Variants in MPRIP observed in about 807,000 individuals in gnomAD.
MPRIP encodes myosin phosphatase Rho interacting protein, also known as myosin phosphatase Rho-interacting protein.
A neutral mutation model predicts 234.9 loss-of-function variants in MPRIP; 59 were observed. The observed-to-expected ratio is 0.25, with a 90% confidence interval of 0.20 to 0.31. The LOEUF (loss-of-function observed/expected upper bound fraction) is 0.31. Among genes scored for constraint, MPRIP ranks in the 10% least tolerant of loss-of-function variants. MPRIP has a pLI of 1.00. For synonymous variants in MPRIP, 1,144 were observed against 1,263.9 expected (o/e 0.91, Z 2.01); for missense variants, 2,436 against 3,071.0 (o/e 0.79, Z 4.89).
rs2144733454 is a variant in MPRIP at position 17,185,594 on chromosome 17, T to TCCTC, written c.*702_*705dup. On this transcript the variant is annotated 3_prime_UTR_variant, in exon 24 of 24. Transcript: ENST00000651222. ...CCCTCTCCTTCCTTCCTTCCTTCCT[T>TCCTC]CCTCCGCTCGTTCCTTTCTTGGTCT... 1 of 456,376 alleles carries TCCTC rather than the reference T, an allele frequency of 2.2e-6. No individual in the cohort carries two copies. Among genetic ancestry groups the TCCTC allele is most frequent in the Non-Finnish European group, 4.4e-6 (1 of 226,896 alleles). The allele number at this position is 456,376 out of a possible 1,614,324, so 28.3% of individuals were successfully genotyped here.
Position 17,164,795 on chromosome 17 carries a change from G to C in MPRIP, c.3204G>C (p.Lys1068Asn), listed in dbSNP as rs992718625. The change falls in exon 16 of 24, where the codon AAG becomes AAC. Residue 1068 changes from lysine (K) to asparagine (N), a missense_variant. By Grantham distance (94) the Lys-to-Asn change is moderately conservative. Around this residue, in one of 4 missense-constraint regions of MPRIP, gnomAD observed 1,998 missense variants for 2,520.3 expected, o/e 0.79. Transcript: ENST00000651222. ...AQQVETLQKEKLSATFEGSEQ... is the reference protein window; with the variant it reads ...AQQVETLQKENLSATFEGSEQ... ...AGGTGGAGACCCTGCAGAAGGAGAA[G>C]CTGAGCGCCACTTTCGAGGGCAGTG... The C allele has an allele frequency of 3.1e-6, 4 of 1,304,234 alleles. No individual in the cohort carries two copies. Among genetic ancestry groups the C allele is most frequent in the Non-Finnish European group, 4.0e-6 (4 of 988,956 alleles). The allele number at this position is 1,304,234 out of a possible 1,614,324, so 80.8% of individuals were successfully genotyped here.
intron 4 of MPRIP, among the ~76,000 whole-genome samples, chr17:17,127,133 G>T (rs953414896): frequency 1.3e-5 from 2 of 152,172 alleles, no homozygotes; most frequent in African/African-American, 4.8e-5. Context: ...CAACTCACCT[G>T]CCCCTCCACC....
chr17:17,146,941 A>C (rs10852846), intron 10 of MPRIP, among the ~76,000 whole-genome samples: 19,886 of 152,190 alleles, frequency 0.13, 1,855 homozygotes, highest in East Asian at 0.31. Flanking sequence ...GCAGGTGGAG[A>C]TGCCATTTCA....
intron 1 of MPRIP, among the ~76,000 whole-genome samples, chr17:17,074,015 G>A (rs533563168): frequency 2.6e-5 from 4 of 152,310 alleles, no homozygotes; most frequent in African/African-American, 4.8e-5. Flanking sequence ...CCCTGCAGGC[G>A]GAAGCCAAGT....
chr17:17,181,319 C>G (rs1185966380), intron 23 of MPRIP, among the ~76,000 whole-genome samples: 1 of 152,090 alleles, frequency 6.6e-6, no homozygotes, highest in Non-Finnish European at 1.5e-5. Context: ...GGCTCAGTAG[C>G]TTGATCTCGT....
intron 3 of MPRIP, among the ~76,000 whole-genome samples, chr17:17,088,397 T>C (rs1050404831): frequency 8.5e-5 from 13 of 152,146 alleles, no homozygotes; most frequent in African/African-American, 2.9e-4. Context: ...ACTTTAGATA[T>C]TAAGAAAGTG....
chr17:17,173,006 C>T (rs1330572163), intron 18 of MPRIP, among the ~76,000 whole-genome samples, 191 bp downstream of exon 18: 1 of 152,258 alleles, frequency 6.6e-6, no homozygotes, highest in Non-Finnish European at 1.5e-5. Flanking sequence ...CTCCTTTATT[C>T]AGAGAGACTG....
chr17:17,184,888 A>T lies in MPRIP; in HGVS notation c.7272A>T (p.Lys2424Asn). Residue 2424 changes from lysine (K) to asparagine (N), a missense_variant, in exon 24 of 24, where the codon AAA becomes AAT. Transcript: ENST00000651222. ...TCTTTGAATCCAGGGACTTGAAGAA[A>T]GACTAGGTGTGTCCCATCCAAGTTG... is the stretch of plus-strand genomic sequence containing the variant. Reference protein sequence around the residue: ...LKLFESRDLKKD With the variant: ...LKLFESRDLKND 1 of 1,610,878 alleles carries T rather than the reference A, an allele frequency of 6.2e-7. No individual in the cohort carries two copies. The highest frequency in any genetic ancestry group is 1.9e-4 in the Middle Eastern group (1 of 5,254).
chr17:17,062,141 A>G (rs1364709339), intron 1 of MPRIP, among the ~76,000 whole-genome samples: 5 of 152,126 alleles, frequency 3.3e-5, no homozygotes, highest in Non-Finnish European at 5.9e-5. Flanking sequence ...TGTACATTAA[A>G]TACCTGGAGC....
intron 1 of MPRIP, among the ~76,000 whole-genome samples, chr17:17,058,546 T>C (rs944707161): frequency 6.7e-6 from 1 of 149,266 alleles, no homozygotes; most frequent in South Asian, 2.1e-4. Context: ...GGAGGAGAGC[T>C]CCAGGGACTG....
At chr17:17,088,698 A>G (rs932791905) in intron 3 of MPRIP, among the ~76,000 whole-genome samples, 1 of 152,104 alleles carries the variant, frequency 6.6e-6, no homozygotes, top group Admixed American at 6.5e-5. Context: ...CTGCCTGGCC[A>G]TGTCTTTTGC....
At chr17:17,151,009 CTTATTA>C (rs57859773) in intron 12 of MPRIP, among the ~76,000 whole-genome samples, 74,195 of 145,226 alleles carry the variant, frequency 0.51, 22,756 homozygotes, top group East Asian at 0.68. Flanking sequence ...CCATGCCCAG[CTTATTA>C]TTATTATTAT....
chr17:17,132,166 C>G (rs1022312626), intron 5 of MPRIP, among the ~76,000 whole-genome samples: 1 of 152,136 alleles, frequency 6.6e-6, no homozygotes, highest in Non-Finnish European at 1.5e-5. Flanking sequence ...CTGAGCAGGG[C>G]GTGGCTGACT....
At chr17:17,087,543 C>T (rs983055586) in intron 3 of MPRIP, among the ~76,000 whole-genome samples, 17 of 152,304 alleles carry the variant, frequency 1.1e-4, no homozygotes, top group African/African-American at 3.8e-4. Flanking sequence ...CACCCTGGGT[C>T]ATTCTGGAGA....
intron 3 of MPRIP, among the ~76,000 whole-genome samples, chr17:17,114,868 AG>A (rs572170249): frequency 3.9e-5 from 6 of 152,224 alleles, no homozygotes; most frequent in Non-Finnish European, 7.3e-5. Flanking sequence ...CTGGCGTAGC[AG>A]GTGTGAGGAG....
At chr17:17,114,270 G>A (rs10852845) in intron 3 of MPRIP, among the ~76,000 whole-genome samples, 12,038 of 151,916 alleles carry the variant, frequency 0.079, 666 homozygotes, top group East Asian at 0.17. Context: ...ATTTTTAATT[G>A]TTTTTTGTTG....
chr17:17,073,287 G>A (rs1183794881), intron 1 of MPRIP, among the ~76,000 whole-genome samples: 1 of 152,180 alleles, frequency 6.6e-6, no homozygotes, highest in Admixed American at 6.5e-5. Flanking sequence ...ATCCATATCA[G>A]GAAGTCACAG....
At chr17:17,137,160 A>G (rs1297944113) in intron 6 of MPRIP, among the ~76,000 whole-genome samples, 4 of 152,126 alleles carry the variant, frequency 2.6e-5, no homozygotes, top group Admixed American at 1.3e-4. Flanking sequence ...TCAAAAATCT[A>G]TTCACTCTGT....
chr17:17,046,457 A>C (rs964696667), intron 1 of MPRIP, among the ~76,000 whole-genome samples: 11 of 152,166 alleles, frequency 7.2e-5, no homozygotes, highest in Non-Finnish European at 1.0e-4. Context: ...CAAGCGCATA[A>C]ATTTTTTTTT....
Sources: gnomAD v4.1 joint callset for allele counts (sites outside exome capture counted in the v4.1 genomes callset) on GRCh38, gnomAD v4.1.1 for gene constraint, gnomAD v4.1.1 regional missense constraint, MANE v1.5 for transcripts, NCBI Gene and HGNC (gene_info 2026-07-23, HGNC 2026-07-21) for gene names.